PABPC4L: variants seen among roughly 807,000 people sequenced by gnomAD.
PABPC4L encodes polyadenylate-binding protein 4-like.
For synonymous variants in PABPC4L, 169 were observed against 164.1 expected, an observed-to-expected ratio of 1.03 and a Z score of -0.23; for missense variants, 452 against 451.4, an observed-to-expected ratio of 1.00 and a Z score of -0.01.
At chr4:134,015,106 C>T in the PABPC4L span, among the ~76,000 whole-genome samples, 6 of 152,014 alleles carry the variant, frequency 3.9e-5, no homozygotes, top group Non-Finnish European at 7.4e-5. Flanking sequence ...ATCATGCAAC[C>T]CTTACCATCT....
At chr4:134,129,029 TATATC>T in the PABPC4L span, among the ~76,000 whole-genome samples, 3 of 152,056 alleles carry the variant, frequency 2.0e-5, no homozygotes, top group Admixed American at 1.3e-4. Flanking sequence ...TAGCTATTCT[TATATC>T]AGACAAAACA....
the PABPC4L span, among the ~76,000 whole-genome samples, chr4:134,141,452 C>G: frequency 6.7e-6 from 1 of 150,046 alleles, no homozygotes; most frequent in African/African-American, 2.4e-5. Context: ...GTAAATAGAT[C>G]TCTTTCTATA....
At chr4:134,097,311 A>T in the PABPC4L span, among the ~76,000 whole-genome samples, 4 of 151,930 alleles carry the variant, frequency 2.6e-5, no homozygotes, top group Non-Finnish European at 5.9e-5. Flanking sequence ...TGTTACATCC[A>T]CTAAACAGCT....
At chr4:134,184,478 T>C in the PABPC4L span, among the ~76,000 whole-genome samples, 1 of 152,042 alleles carries the variant, frequency 6.6e-6, no homozygotes, top group Non-Finnish European at 1.5e-5. Flanking sequence ...GAATGTCATA[T>C]AGTTGGAATT....
the PABPC4L span, among the ~76,000 whole-genome samples, chr4:134,119,699 C>G: frequency 3.3e-5 from 5 of 151,544 alleles, no homozygotes; most frequent in African/African-American, 4.8e-5. Flanking sequence ...CACCAAGTAC[C>G]CAGAAACAAC....
the PABPC4L span, among the ~76,000 whole-genome samples, chr4:134,001,560 T>C: frequency 2.0e-5 from 3 of 152,082 alleles, no homozygotes; most frequent in Non-Finnish European, 2.9e-5. Flanking sequence ...GCCTTTCCCA[T>C]TTGTGAGAAT....
chr4:134,094,474 T>C, the PABPC4L span, among the ~76,000 whole-genome samples: 1 of 151,952 alleles, frequency 6.6e-6, no homozygotes, highest in Non-Finnish European at 1.5e-5. Context: ...TTCCAAGTAA[T>C]ATAGCATAGC....
chr4:134,129,376 C>G, the PABPC4L span, among the ~76,000 whole-genome samples: 1 of 152,192 alleles, frequency 6.6e-6, no homozygotes, highest in South Asian at 2.1e-4. Context: ...AATATACATT[C>G]TATTCATCAG....
the PABPC4L span, among the ~76,000 whole-genome samples, chr4:133,979,239 T>C: frequency 2.0e-5 from 3 of 152,152 alleles, no homozygotes; most frequent in Non-Finnish European, 4.4e-5. Flanking sequence ...GTCTAATTCT[T>C]TCCATGTTAT....
At chr4:134,111,858 C>G in the PABPC4L span, among the ~76,000 whole-genome samples, 2 of 151,972 alleles carry the variant, frequency 1.3e-5, no homozygotes, top group Non-Finnish European at 2.9e-5. Context: ...TGCCCAGTCT[C>G]TGGTGTGTCT....
At chr4:134,124,686 C>T in the PABPC4L span, among the ~76,000 whole-genome samples, 6 of 152,026 alleles carry the variant, frequency 3.9e-5, no homozygotes, top group African/African-American at 1.4e-4. Context: ...TATCTAAGTT[C>T]AGTCATAATG....
chr4:134,158,450 T>G, the PABPC4L span, among the ~76,000 whole-genome samples: 1 of 152,090 alleles, frequency 6.6e-6, no homozygotes. Flanking sequence ...TTCTGACATA[T>G]TCTTAAAGTC....
chr4:133,979,924 T>A, the PABPC4L span, among the ~76,000 whole-genome samples: 1 of 152,146 alleles, frequency 6.6e-6, no homozygotes, highest in Non-Finnish European at 1.5e-5. Context: ...CTACAATAAT[T>A]CCCATTATTC....
the PABPC4L span, among the ~76,000 whole-genome samples, chr4:134,115,246 G>C: frequency 2.9e-4 from 44 of 151,988 alleles, no homozygotes; most frequent in African/African-American, 1.0e-3. Context: ...GCGAGGCACT[G>C]TCTATGGTCC....
the PABPC4L span, among the ~76,000 whole-genome samples, chr4:134,123,120 T>C: frequency 1.3e-5 from 2 of 152,054 alleles, no homozygotes; most frequent in African/African-American, 4.8e-5. Context: ...AGACTTGTTT[T>C]ATGTGTGTCT....
the PABPC4L span, among the ~76,000 whole-genome samples, chr4:134,182,202 CT>C: frequency 6.6e-6 from 1 of 151,976 alleles, no homozygotes; most frequent in Non-Finnish European, 1.5e-5. Flanking sequence ...CATTGCCCAA[CT>C]TCAAACTATA....
chr4:133,993,164 T>C, the PABPC4L span, among the ~76,000 whole-genome samples: 1 of 152,188 alleles, frequency 6.6e-6, no homozygotes, highest in Non-Finnish European at 1.5e-5. Context: ...ATTTATGATG[T>C]AAATTTTAAA....
At chr4:133,981,840 C>T in the PABPC4L span, among the ~76,000 whole-genome samples, 1 of 151,956 alleles carries the variant, frequency 6.6e-6, no homozygotes, top group African/African-American at 2.4e-5. Context: ...CTAACACCAT[C>T]AGCTTTTTGG....
At chr4:134,162,687 C>G in the PABPC4L span, among the ~76,000 whole-genome samples, 1 of 152,102 alleles carries the variant, frequency 6.6e-6, no homozygotes, top group East Asian at 1.9e-4. Flanking sequence ...TGAAATAAAA[C>G]TAGAAGTCAA....
Sources: allele counts gnomAD v4.1 joint callset (sites outside exome capture counted in the v4.1 genomes callset), GRCh38; gene constraint gnomAD v4.1.1; transcripts MANE v1.5; gene names NCBI Gene and HGNC (gene_info 2026-07-23, HGNC 2026-07-21).